The following PHTF2 variants were observed in gnomAD, a reference collection of about 807,000 sequenced individuals.
The protein encoded by PHTF2 is protein PHTF2.
Under a neutral mutation model 101.2 loss-of-function variants are expected in PHTF2, and 60 were observed. The ratio of observed to expected loss-of-function variants is 0.59; its 90% CI spans 0.48 to 0.73. The LOEUF (loss-of-function observed/expected upper bound fraction) is 0.73. Among genes scored for constraint, PHTF2 ranks in the 30% least tolerant of loss-of-function variants. The pLI is 0.00. For synonymous variants in PHTF2, 311 were observed against 307.3 expected (o/e 1.01, Z -0.13); for missense variants, 747 against 908.7 (o/e 0.82, Z 2.29).
At chr7:77,942,116 A>C (rs544578464) in intron 15 of PHTF2, among the ~76,000 whole-genome samples, 1 of 152,206 alleles carries the variant, frequency 6.6e-6, no homozygotes, top group East Asian at 1.9e-4. Context: ...GTGTGCCATC[A>C]TGCCCCTGCC....
intron 3 of PHTF2, among the ~76,000 whole-genome samples, chr7:77,885,121 G>T (rs1398379319): frequency 1.3e-5 from 2 of 151,972 alleles, no homozygotes; most frequent in African/African-American, 4.8e-5. Flanking sequence ...TCGAGATTTT[G>T]TTGTTGTTGT....
At chr7:77,887,144 G>T (rs1280617778) in intron 3 of PHTF2, among the ~76,000 whole-genome samples, 1 of 151,050 alleles carries the variant, frequency 6.6e-6, no homozygotes, top group Non-Finnish European at 1.5e-5. Flanking sequence ...CATTATTAAT[G>T]ATTTTCATGT....
chr7:77,847,440 A>T (rs1255678414), intron 2 of PHTF2, among the ~76,000 whole-genome samples: 1 of 152,188 alleles, frequency 6.6e-6, no homozygotes, highest in South Asian at 2.1e-4. Context: ...CCAGCTTATG[A>T]TATTGAACAT....
rs762657549 is a variant in PHTF2 at position 77,940,034 on chromosome 7, A to G, written c.1472A>G (p.Asn491Ser). 7 of 1,599,246 alleles carry G rather than the reference A, an allele frequency of 4.4e-6. No homozygotes were observed. Among genetic ancestry groups the G allele is most frequent in the African/African-American group, 1.3e-5 (1 of 74,460 alleles). ...TCTTCCCCTGGCTCCCTCAAGGTGA[A>G]CAGCCATATACCAGGAATAGGATAC... The change falls in exon 14 of 20, where the codon AAC becomes AGC. Residue 491 changes from asparagine (N) to serine (S), a missense_variant. Asn to Ser is a conservative substitution (Grantham distance 46). This residue lies in a region of PHTF2 where 349 missense variants were observed against 369.7 expected (regional missense o/e 0.94). Transcript: ENST00000416283.
At chr7:77,843,337 T>C (rs1338937816) in intron 2 of PHTF2, among the ~76,000 whole-genome samples, 1 of 152,222 alleles carries the variant, frequency 6.6e-6, no homozygotes, top group African/African-American at 2.4e-5. Context: ...TCTGATGAAA[T>C]TGTAACACTT....
Position 77,942,686 on chromosome 7 carries a change from C to A in PHTF2, c.1873-14C>A, listed in dbSNP as rs1412499472. 6.6e-7 allele frequency: 1 copy of A among 1,512,704 alleles called. No homozygotes were observed. Among genetic ancestry groups the A allele is most frequent in the South Asian group, 1.2e-5 (1 of 82,866 alleles). The allele number at this position is 1,512,704 out of a possible 1,614,324, so 93.7% of individuals were successfully genotyped here. ...AAAATGTTTCCTTTTCTCCCTTCCA[C>A]CCACACCCTGCAGCGTCGAGGTCCT... is the stretch of plus-strand genomic sequence containing the variant. On this transcript the variant is annotated splice_polypyrimidine_tract_variant and intron_variant, in intron 15 of 19. Coordinates refer to ENST00000416283, the Ensembl canonical transcript of PHTF2.
chr7:77,924,816 G>A (rs1481734314), intron 11 of PHTF2, among the ~76,000 whole-genome samples: 5 of 152,180 alleles, frequency 3.3e-5, no homozygotes, highest in African/African-American at 9.6e-5. Flanking sequence ...TCTGGTGTTT[G>A]GCACCAAGGG....
chr7:77,870,188 T>C (rs1381145585), intron 3 of PHTF2, among the ~76,000 whole-genome samples: 1 of 152,072 alleles, frequency 6.6e-6, no homozygotes, highest in Non-Finnish European at 1.5e-5. Context: ...GTTTCTCCAA[T>C]GTTTTCTTCT....
At chr7:77,870,738 A>G (rs918301119) in intron 3 of PHTF2, among the ~76,000 whole-genome samples, 1 of 152,166 alleles carries the variant, frequency 6.6e-6, no homozygotes, top group African/African-American at 2.4e-5. Context: ...CTGAACCCAT[A>G]CACATCTCCT....
Position 77,845,223 on chromosome 7 carries a change from A to G in PHTF2, c.45+4923A>G, listed in dbSNP as rs554409593. ...TCCTTTAAACAATATAGTGACCTGT[A>G]AGATTCCACTGTGACTGTGCAGATA... On this transcript the variant is annotated intron_variant, in intron 2 of 19. Coordinates refer to ENST00000416283, the Ensembl canonical transcript of PHTF2. Among the ~76,000 whole-genome samples, 19 of 152,364 alleles carry G rather than the reference A, an allele frequency of 1.2e-4. No homozygotes were observed. The South Asian group carries it at 3.7e-3, about 30-fold the overall frequency.
At chr7:77,830,249 A>G (rs1358833488) in intron 1 of PHTF2, among the ~76,000 whole-genome samples, 5 of 152,220 alleles carry the variant, frequency 3.3e-5, no homozygotes, top group African/African-American at 7.2e-5. Flanking sequence ...AAGATCCCCA[A>G]TGGAAACCTG....
intron 3 of PHTF2, among the ~76,000 whole-genome samples, chr7:77,886,241 G>GCTTT (rs1332939837): frequency 2.6e-5 from 4 of 152,138 alleles, no homozygotes; most frequent in Non-Finnish European, 5.9e-5. Context: ...CCGAAGAGTA[G>GCTTT]CTTTTCAAAT....
intron 3 of PHTF2, among the ~76,000 whole-genome samples, chr7:77,889,708 A>G (rs923988625): frequency 6.7e-6 from 1 of 148,786 alleles, no homozygotes; most frequent in Non-Finnish European, 1.5e-5. Flanking sequence ...CCCCTGCCTC[A>G]GCCTCCTGAG....
chr7:77,817,056 G>A (rs955498692), intron 1 of PHTF2, among the ~76,000 whole-genome samples: 1 of 152,112 alleles, frequency 6.6e-6, no homozygotes, highest in African/African-American at 2.4e-5. Context: ...TCAATATACT[G>A]ATTTTCTTTC....
At chr7:77,846,494 T>G (rs1796290777) in intron 2 of PHTF2, among the ~76,000 whole-genome samples, 2 of 152,150 alleles carry the variant, frequency 1.3e-5, no homozygotes, top group Admixed American at 6.5e-5. Flanking sequence ...CCTTCCTGTC[T>G]TGGGACATTG....
chr7:77,855,281 T>C (rs986525539), intron 3 of PHTF2, among the ~76,000 whole-genome samples: 1 of 152,226 alleles, frequency 6.6e-6, no homozygotes, highest in African/African-American at 2.4e-5. Context: ...CAGCCTCGAA[T>C]GGGCACTTCA....
At chr7:77,823,473 C>T (rs1441117675) in intron 1 of PHTF2, among the ~76,000 whole-genome samples, 1 of 152,204 alleles carries the variant, frequency 6.6e-6, no homozygotes, top group African/African-American at 2.4e-5. Context: ...CCCATCTTGG[C>T]CTACCAAAGT....
At chr7:77,815,075 AAAAAT>A (rs536105304) in intron 1 of PHTF2, among the ~76,000 whole-genome samples, 211 of 152,116 alleles carry the variant, frequency 1.4e-3, no homozygotes, top group African/African-American at 4.3e-3. Context: ...ACTCTGTCTC[AAAAAT>A]AAAATAAAAT....
intron 12 of PHTF2, among the ~76,000 whole-genome samples, chr7:77,936,042 A>G (rs1805092334): frequency 6.6e-6 from 1 of 152,212 alleles, no homozygotes; most frequent in Admixed American, 6.5e-5. Context: ...AGCACTCTTC[A>G]GGACCTCAAG....
Sources: gnomAD v4.1 joint callset for allele counts (sites outside exome capture counted in the v4.1 genomes callset) on GRCh38, gnomAD v4.1.1 for gene constraint, gnomAD v4.1.1 regional missense constraint, MANE v1.5 for transcripts, NCBI Gene and HGNC (gene_info 2026-07-23, HGNC 2026-07-21) for gene names.